Variants in WDR70 observed in about 807,000 individuals in gnomAD.
WDR70 encodes WD repeat-containing protein 70.
Under a neutral mutation model 88.6 loss-of-function variants are expected in WDR70, and 53 were observed. The ratio of observed to expected loss-of-function variants is 0.60; its 90% CI spans 0.48 to 0.75. The LOEUF (loss-of-function observed/expected upper bound fraction) is 0.75. WDR70 is among the 30% of genes least tolerant of loss of function. WDR70 has a pLI of 0.00. For synonymous variants in WDR70, 280 were observed against 270.0 expected, an observed-to-expected ratio of 1.04 and a Z score of -0.36; for missense variants, 610 against 823.2, an observed-to-expected ratio of 0.74 and a Z score of 3.17.
intron 9 of WDR70, among the ~76,000 whole-genome samples, chr5:37,569,258 G>T (rs1212028249): frequency 1.3e-5 from 2 of 152,166 alleles, no homozygotes; most frequent in African/African-American, 2.4e-5. Context: ...TAATGCATCA[G>T]TGTCTAACTT....
intron 10 of WDR70, among the ~76,000 whole-genome samples, chr5:37,635,006 C>G (rs1656575835): frequency 6.6e-6 from 1 of 151,992 alleles, no homozygotes; most frequent in African/African-American, 2.4e-5. Context: ...AAAAATAGGC[C>G]CCAATTTTTT....
intron 17 of WDR70, among the ~76,000 whole-genome samples, chr5:37,746,613 A>C (rs1165344998): frequency 3.3e-5 from 5 of 152,206 alleles, no homozygotes. Context: ...CAGAAATACA[A>C]ACTACCATCA....
At chr5:37,734,659 A>G (rs1748247281) in intron 17 of WDR70, among the ~76,000 whole-genome samples, 1 of 152,096 alleles carries the variant, frequency 6.6e-6, no homozygotes, top group Non-Finnish European at 1.5e-5. Context: ...AAAAGGCGCT[A>G]TTTTAGATAC....
At chr5:37,712,144 C>T (rs1466899357) in intron 13 of WDR70, among the ~76,000 whole-genome samples, 4 of 151,998 alleles carry the variant, frequency 2.6e-5, no homozygotes, top group Non-Finnish European at 4.4e-5. Context: ...AGGCACCTGC[C>T]ACCGCACCTG....
At chr5:37,562,952 G>C (rs545170931) in intron 9 of WDR70, among the ~76,000 whole-genome samples, 1 of 150,122 alleles carries the variant, frequency 6.7e-6, no homozygotes, top group African/African-American at 2.4e-5. Context: ...CGTTCTCAAT[G>C]AGCTGTTGAG....
intron 2 of WDR70, among the ~76,000 whole-genome samples, chr5:37,380,202 TC>T (rs1232417485): frequency 3.3e-5 from 5 of 152,362 alleles, no homozygotes; most frequent in African/African-American, 9.6e-5. Context: ...GATTCTAACT[TC>T]CCTGAACCTT....
intron 5 of WDR70, among the ~76,000 whole-genome samples, chr5:37,431,388 TC>T (rs1055216578): frequency 2.6e-5 from 4 of 152,152 alleles, no homozygotes; most frequent in Non-Finnish European, 5.9e-5. Context: ...TCTTTTTTTT[TC>T]TTTTTTCCAT....
At chr5:37,388,733 C>A (rs551339408) in intron 3 of WDR70, among the ~76,000 whole-genome samples, 89 of 91,132 alleles carry the variant, frequency 9.8e-4, no homozygotes, top group Admixed American at 3.1e-3. Flanking sequence ...AGTGAGACTC[C>A]GTCTCAAAAA....
intron 10 of WDR70, among the ~76,000 whole-genome samples, chr5:37,690,872 CATT>C (rs1483787062): frequency 6.6e-6 from 1 of 152,130 alleles, no homozygotes; most frequent in Non-Finnish European, 1.5e-5. Context: ...TCACACATAA[CATT>C]ATTAACGTTA....
At chr5:37,510,967 C>A (rs1740704729) in intron 8 of WDR70, among the ~76,000 whole-genome samples, 1 of 152,200 alleles carries the variant, frequency 6.6e-6, no homozygotes, top group African/African-American at 2.4e-5. Flanking sequence ...ATGTCAGCTT[C>A]AGTTTGTCCT....
intron 9 of WDR70, among the ~76,000 whole-genome samples, chr5:37,552,638 T>C (rs974935091): frequency 6.6e-6 from 1 of 151,988 alleles, no homozygotes; most frequent in Non-Finnish European, 1.5e-5. Context: ...GATAAGATGA[T>C]AGATACAGGT....
chr5:37,588,428 A>G (rs1409388191), intron 9 of WDR70, among the ~76,000 whole-genome samples: 2 of 152,170 alleles, frequency 1.3e-5, no homozygotes, highest in Non-Finnish European at 2.9e-5. Context: ...AAAAGAGGTT[A>G]GAGGGAAAAA....
rs112176847 is a variant in WDR70 at position 37,681,908 on chromosome 5, T to G, written c.1093-15747T>G. ...AGTTTTCTTTTTTTTGTTGTGTCTG[T>G]GCCAGATTTTGGTGTCAAGATGATG... On this transcript the variant is annotated intron_variant, in intron 10 of 17. Coordinates refer to ENST00000265107, the MANE Select transcript of WDR70 (RefSeq NM_018034.4). 8.2e-3 allele frequency among the ~76,000 whole-genome samples: 1,247 copies of G among 152,262 alleles called. 18 individuals carry two copies. Among genetic ancestry groups the G allele is most frequent in the African/African-American group, 0.028 (1,178 of 41,536 alleles).
chr5:37,615,550 T>C (rs922973702), intron 10 of WDR70, among the ~76,000 whole-genome samples: 6 of 152,216 alleles, frequency 3.9e-5, no homozygotes, highest in African/African-American at 9.6e-5. Context: ...CAGTCTTCTG[T>C]TGAGGTGATG....
intron 10 of WDR70, among the ~76,000 whole-genome samples, chr5:37,645,695 C>A (rs1321525254): frequency 2.0e-5 from 3 of 152,096 alleles, no homozygotes; most frequent in Non-Finnish European, 4.4e-5. Flanking sequence ...TATCCTCCTG[C>A]TGAATTGACC....
chr5:37,598,888 C>T (rs755425294), intron 9 of WDR70, among the ~76,000 whole-genome samples: 8 of 152,294 alleles, frequency 5.3e-5, no homozygotes, highest in East Asian at 1.9e-4. Flanking sequence ...GACAAGAAAA[C>T]GACACAGGTG....
rs1000831299 is a variant in WDR70, at chr5:37,396,359, G to A, written c.297-16G>A. ...ATTGCAGCAGAGGCAAAGAGTTTCTGTTTCTGTATTTTCAGGGATACGAGC... is the reference window on the plus strand; with the variant it reads ...ATTGCAGCAGAGGCAAAGAGTTTCTATTTCTGTATTTTCAGGGATACGAGC... On this transcript the variant is annotated splice_polypyrimidine_tract_variant and intron_variant, in intron 4 of 17. Transcript: ENST00000265107. 2 of 1,591,474 alleles carry A rather than the reference G, an allele frequency of 1.3e-6. No homozygotes were observed. Among genetic ancestry groups the A allele is most frequent in the African/African-American group, 1.4e-5 (1 of 73,990 alleles).
intron 7 of WDR70, among the ~76,000 whole-genome samples, chr5:37,471,519 T>C (rs1214090301): frequency 6.6e-6 from 1 of 151,880 alleles, no homozygotes; most frequent in Admixed American, 6.6e-5. Flanking sequence ...GGGACTTTCG[T>C]TGGTTAAATA....
intron 10 of WDR70, among the ~76,000 whole-genome samples, chr5:37,615,224 A>G (rs1340803459): frequency 6.6e-6 from 1 of 152,106 alleles, no homozygotes; most frequent in Non-Finnish European, 1.5e-5. Context: ...AGAAAGTTCT[A>G]ATGAAAATAC....
Sources: allele counts gnomAD v4.1 joint callset (sites outside exome capture counted in the v4.1 genomes callset), GRCh38; gene constraint gnomAD v4.1.1; transcripts MANE v1.5; gene names NCBI Gene and HGNC (gene_info 2026-07-23, HGNC 2026-07-21).